Variants in LHFPL2 observed in about 807,000 individuals in gnomAD.
LHFPL2 encodes the protein LHFPL tetraspan subfamily member 2, also known as LHFPL tetraspan subfamily member 2 protein.
A neutral mutation model predicts 17.5 loss-of-function variants in LHFPL2; 7 were observed. That is an observed-to-expected ratio of 0.40 (90% CI 0.23 to 0.75). The LOEUF (loss-of-function observed/expected upper bound fraction) is 0.75, where lower values mean the gene tolerates loss of function less well. Among genes scored for constraint, LHFPL2 ranks in the 30% least tolerant of loss-of-function variants. LHFPL2 has a pLI of 0.37. For missense variants in LHFPL2, 241 were observed against 294.8 expected (o/e 0.82, Z 1.34); for synonymous variants, 134 against 116.2 (o/e 1.15, Z -0.99).
At chr5:78,499,682 C>A (rs1480798783) in intron 4 of LHFPL2, among the ~76,000 whole-genome samples, 2 of 152,144 alleles carry the variant, frequency 1.3e-5, no homozygotes, top group Non-Finnish European at 1.5e-5. Flanking sequence ...AAGTGAGAAA[C>A]CACAGGAGTG....
chr5:78,605,340 C>G lies in LHFPL2; in HGVS notation c.-245+26924G>C, dbSNP rs185677445. ...GTGGGCATCAGGATCAAGACCAGCACTGATGCACTGCCTGGACTCTGAGCA... is the reference window on the plus strand; with the variant it reads ...GTGGGCATCAGGATCAAGACCAGCAGTGATGCACTGCCTGGACTCTGAGCA... On this transcript the variant is annotated intron_variant, in intron 2 of 4. Coordinates refer to ENST00000380345, the MANE Select transcript of LHFPL2 (RefSeq NM_005779.3). Among the ~76,000 whole-genome samples the G allele has an allele frequency of 1.6e-3, 242 of 152,330 alleles. 2 individuals carry two copies. The highest frequency in any genetic ancestry group is 6.5e-3 in the Admixed American group (99 of 15,306).
chr5:78,541,808 A>C (rs1014066836), intron 3 of LHFPL2, among the ~76,000 whole-genome samples: 1 of 152,244 alleles, frequency 6.6e-6, no homozygotes, highest in Non-Finnish European at 1.5e-5. Context: ...AATGGTCATA[A>C]GTAAAGCAGC....
intron 2 of LHFPL2, among the ~76,000 whole-genome samples, chr5:78,612,290 T>C (rs1226416212): frequency 6.6e-6 from 1 of 152,210 alleles, no homozygotes; most frequent in African/African-American, 2.4e-5. Flanking sequence ...TTGCATAAAT[T>C]TCCCTTTAAA....
Position 78,591,232 on chromosome 5 carries a change from C to T in LHFPL2, c.-244-26361G>A, listed in dbSNP as rs188491600. On this transcript the variant is annotated intron_variant, in intron 2 of 4. Coordinates refer to ENST00000380345, the MANE Select transcript of LHFPL2 (RefSeq NM_005779.3). ...AAAAAATGAAGACGAGGGCCTAACC[C>T]CCTAATGACCAATGTTTGTTCCCAT... 1.9e-3 allele frequency among the ~76,000 whole-genome samples: 294 copies of T among 152,258 alleles called. 2 individuals are homozygous for T. Among genetic ancestry groups the T allele is most frequent in the African/African-American group, 6.6e-3 (275 of 41,534 alleles).
intron 3 of LHFPL2, among the ~76,000 whole-genome samples, chr5:78,534,494 C>T (rs920841387): frequency 6.6e-6 from 1 of 152,192 alleles, no homozygotes; most frequent in Non-Finnish European, 1.5e-5. Flanking sequence ...TCCCCCATTC[C>T]GCGGCCTCCA....
At chr5:78,559,868 A>G (rs1474037463) in intron 3 of LHFPL2, among the ~76,000 whole-genome samples, 1 of 152,238 alleles carries the variant, frequency 6.6e-6, no homozygotes, top group East Asian at 1.9e-4. Context: ...CTTCAGCTAA[A>G]GATTCTTCAA....
At chr5:78,644,659 G>A (rs1745798991) in intron 1 of LHFPL2, 2 of 319,516 alleles carry the variant, frequency 6.3e-6, no homozygotes, top group Non-Finnish European at 6.1e-6. Flanking sequence ...GTCCATCTTT[G>A]ACATGTCTTC....
chr5:78,591,475 C>T (rs1561355542), intron 2 of LHFPL2, among the ~76,000 whole-genome samples: 1 of 152,128 alleles, frequency 6.6e-6, no homozygotes, highest in African/African-American at 2.4e-5. Flanking sequence ...AAAGACGAGT[C>T]ATAATTTGCC....
chr5:78,520,547 G>A (rs572283748), intron 3 of LHFPL2, among the ~76,000 whole-genome samples: 13 of 152,214 alleles, frequency 8.5e-5, no homozygotes, highest in Non-Finnish European at 1.8e-4. Context: ...CTCTGGAGAG[G>A]GAGGTCTCTG....
chr5:78,586,520 G>T (rs925569653), intron 2 of LHFPL2, among the ~76,000 whole-genome samples: 7 of 152,106 alleles, frequency 4.6e-5, no homozygotes, highest in Non-Finnish European at 8.8e-5. Context: ...CTTATCCTCG[G>T]CTTCCTCTGC....
chr5:78,514,933 G>C (rs370202816), intron 3 of LHFPL2, among the ~76,000 whole-genome samples: 2 of 152,074 alleles, frequency 1.3e-5, no homozygotes, highest in Non-Finnish European at 2.9e-5. Flanking sequence ...ACATTTTCCC[G>C]TATTTGTTCC....
chr5:78,559,682 G>A (rs755794415), intron 3 of LHFPL2, among the ~76,000 whole-genome samples: 1 of 152,022 alleles, frequency 6.6e-6, no homozygotes, highest in Non-Finnish European at 1.5e-5. Context: ...CCCTATATTT[G>A]GTCCAATTTA....
chr5:78,621,061 A>G (rs1744836923), intron 2 of LHFPL2, among the ~76,000 whole-genome samples: 1 of 150,182 alleles, frequency 6.7e-6, no homozygotes, highest in Middle Eastern at 3.4e-3. Flanking sequence ...TCTGCCTCCC[A>G]GGTAAAACCA....
chr5:78,608,919 A>C (rs977537236), intron 2 of LHFPL2, among the ~76,000 whole-genome samples: 2 of 150,648 alleles, frequency 1.3e-5, no homozygotes, highest in Non-Finnish European at 3.0e-5. Context: ...GCGACAGAGC[A>C]AGACTCCATC....
rs1180957588 is a variant in LHFPL2 at position 78,487,196 on chromosome 5, G to A, written c.*1701C>T. ...CTTTTGCCCTTAGCCCTTAATCTGT[G>A]AGAAGATGGTTTCTCATATAGGCCA... On this transcript the variant is annotated 3_prime_UTR_variant, in exon 5 of 5. Coordinates refer to ENST00000380345, the MANE Select transcript of LHFPL2 (RefSeq NM_005779.3). The A allele has an allele frequency of 6.6e-6, 1 of 152,126 alleles. No homozygotes were observed. Among genetic ancestry groups the A allele is most frequent in the Non-Finnish European group, 1.5e-5 (1 of 68,018 alleles). 9.4% of individuals were successfully genotyped at this position (152,126 alleles called of 1,614,324 possible).
Position 78,547,747 on chromosome 5 carries a change from G to T in LHFPL2, c.-186+17066C>A, listed in dbSNP as rs558750475. The stretch of plus-strand genomic sequence containing the variant: ...AAAGTCATTGCTTCAGAAAGCACCA[G>T]GACTAGGAAGCAGGCCCCGCCTCCT... On this transcript the variant is annotated intron_variant, in intron 3 of 4. Coordinates refer to ENST00000380345, the MANE Select transcript of LHFPL2 (RefSeq NM_005779.3). Among the ~76,000 whole-genome samples the T allele has an allele frequency of 2.6e-5, 4 of 152,340 alleles. No individual in the cohort carries two copies. The South Asian group carries it at 6.2e-4, about 24-fold the overall frequency.
chr5:78,580,171 CCTT>C (rs1342018176), intron 2 of LHFPL2, among the ~76,000 whole-genome samples: 1 of 152,106 alleles, frequency 6.6e-6, no homozygotes, highest in East Asian at 1.9e-4. Flanking sequence ...CTGTTCATGT[CCTT>C]CACCCACTTT....
intron 3 of LHFPL2, among the ~76,000 whole-genome samples, chr5:78,539,915 C>G (rs535300723): frequency 1.3e-5 from 2 of 151,466 alleles, no homozygotes; most frequent in African/African-American, 4.9e-5. Flanking sequence ...AAATCTCTCC[C>G]TTCTCTGATC....
intron 2 of LHFPL2, among the ~76,000 whole-genome samples, chr5:78,574,390 C>T (rs966331227): frequency 6.6e-6 from 1 of 152,224 alleles, no homozygotes; most frequent in African/African-American, 2.4e-5. Flanking sequence ...CCATGGCACA[C>T]ATGTGAGAGC....
Sources: allele counts gnomAD v4.1 joint callset (sites outside exome capture counted in the v4.1 genomes callset), GRCh38; gene constraint gnomAD v4.1.1; transcripts MANE v1.5; gene names NCBI Gene and HGNC (gene_info 2026-07-23, HGNC 2026-07-21).